TMEM74: variants seen among roughly 807,000 people sequenced by gnomAD.
TMEM74 encodes the protein transmembrane protein 74.
A neutral mutation model predicts 18.1 loss-of-function variants in TMEM74; 13 were observed. The ratio of observed to expected loss-of-function variants is 0.72; its 90% CI spans 0.47 to 1.14. The LOEUF (loss-of-function observed/expected upper bound fraction) is 1.14. Among genes scored for constraint, TMEM74 ranks in the 50% most tolerant of loss-of-function variants. The pLI, the probability that TMEM74 is intolerant of heterozygous loss-of-function variation, is 0.00. For synonymous variants in TMEM74, 159 were observed against 146.6 expected, an observed-to-expected ratio of 1.08 and a Z score of -0.61; for missense variants, 372 against 375.9, an observed-to-expected ratio of 0.99 and a Z score of 0.09.
chr8:108,621,331 A>G (rs1448538756), intron 2 of TMEM74, among the ~76,000 whole-genome samples: 1 of 152,086 alleles, frequency 6.6e-6, no homozygotes, highest in Non-Finnish European at 1.5e-5. Context: ...TTATTTATCA[A>G]TTCCTGTTTT....
chr8:108,614,485 G>A lies in TMEM74; in HGVS notation n.265-5659C>T, dbSNP rs115013349. 7.0e-3 allele frequency among the ~76,000 whole-genome samples: 1,060 copies of A among 152,272 alleles called. 19 individuals are homozygous for A. Among genetic ancestry groups the A allele is most frequent in the African/African-American group, 0.023 (961 of 41,536 alleles). On this transcript the variant is annotated intron_variant and non_coding_transcript_variant, in intron 2 of 3. Coordinates refer to the TMEM74 transcript ENST00000518838. ...AAGACAAGAAAGCAAGATGAAAGGAGGAATAGGTTTACAGATTCCAGAAAG... is the reference window on the plus strand; with the variant it reads ...AAGACAAGAAAGCAAGATGAAAGGAAGAATAGGTTTACAGATTCCAGAAAG...
chr8:108,784,615 C>T lies in TMEM74; in HGVS notation c.484G>A (p.Asp162Asn), dbSNP rs1481034894. 5 of 1,614,144 alleles carry T rather than the reference C, an allele frequency of 3.1e-6. No homozygotes were observed. The East Asian group carries it at 1.1e-4, about 36-fold the overall frequency. The change falls in exon 2 of 2, where the codon GAT becomes AAT. Residue 162 changes from aspartate to asparagine, a missense_variant. Physicochemically the swap from Asp to Asn is conservative, Grantham distance 23. Transcript: ENST00000297459. The part of the protein sequence containing the change: ...AISLISEEED[D>N]TSSEATSSGK... ...GAAGACGTGGCTTCTGAACTTGTATCATCCTCCTCTTCAGATATCAAAGAT... is the reference window on the plus strand; with the variant it reads ...GAAGACGTGGCTTCTGAACTTGTATTATCCTCCTCTTCAGATATCAAAGAT...
At chr8:108,627,215 C>G (rs962078648) in intron 2 of TMEM74, among the ~76,000 whole-genome samples, 3 of 152,052 alleles carry the variant, frequency 2.0e-5, no homozygotes, top group East Asian at 1.9e-4. Flanking sequence ...TCAGATTGAC[C>G]TCCCTCCTCC....
At chr8:108,685,273 TG>T (rs1159639422) in intron 1 of TMEM74, among the ~76,000 whole-genome samples, 4 of 152,156 alleles carry the variant, frequency 2.6e-5, no homozygotes, top group African/African-American at 9.6e-5. Context: ...TACTGATTTT[TG>T]TATGTTAATT....
At chr8:108,706,398 C>G (rs2130619459) in intron 1 of TMEM74, among the ~76,000 whole-genome samples, 1 of 152,250 alleles carries the variant, frequency 6.6e-6, no homozygotes, top group East Asian at 1.9e-4. Context: ...GGTCTTTGAA[C>G]TTATGATGTA....
intron 1 of TMEM74, among the ~76,000 whole-genome samples, chr8:108,681,766 A>G (rs1031623078): frequency 5.3e-5 from 8 of 152,116 alleles, no homozygotes; most frequent in African/African-American, 1.9e-4. Context: ...AACACTATAA[A>G]CATGCCAAAT....
chr8:108,681,460 C>T (rs1455580977), intron 1 of TMEM74, among the ~76,000 whole-genome samples: 1 of 152,134 alleles, frequency 6.6e-6, no homozygotes, highest in Non-Finnish European at 1.5e-5. Flanking sequence ...AACTGGCTAG[C>T]CATATGTGGA....
At chr8:108,627,966 G>A (rs1241408843) in intron 2 of TMEM74, among the ~76,000 whole-genome samples, 1 of 152,060 alleles carries the variant, frequency 6.6e-6, no homozygotes, top group Non-Finnish European at 1.5e-5. Context: ...GATGAGGCAG[G>A]AGGATCGCTT....
intron 1 of TMEM74, among the ~76,000 whole-genome samples, chr8:108,655,746 G>C (rs754749609): frequency 6.6e-6 from 1 of 151,924 alleles, no homozygotes; most frequent in Non-Finnish European, 1.5e-5. Flanking sequence ...TGCCACAGCT[G>C]GTTATTATAA....
At chr8:108,651,541 C>T (rs1812774387) in intron 2 of TMEM74, among the ~76,000 whole-genome samples, 1 of 151,796 alleles carries the variant, frequency 6.6e-6, no homozygotes. Flanking sequence ...GGCTGGAAGA[C>T]AAAATGAGAT....
intron 2 of TMEM74, among the ~76,000 whole-genome samples, chr8:108,611,838 C>T (rs947385382): frequency 1.3e-5 from 2 of 151,940 alleles, no homozygotes; most frequent in African/African-American, 2.4e-5. Flanking sequence ...TCTCACACTG[C>T]TATGAAGAAA....
intron 1 of TMEM74, among the ~76,000 whole-genome samples, chr8:108,729,158 C>G (rs188163431): frequency 6.6e-6 from 1 of 152,188 alleles, no homozygotes; most frequent in Non-Finnish European, 1.5e-5. Context: ...AGGGAAAAAA[C>G]TACTCTTGGG....
At chr8:108,736,390 T>C (rs1586278451) in intron 1 of TMEM74, among the ~76,000 whole-genome samples, 1 of 152,170 alleles carries the variant, frequency 6.6e-6, no homozygotes, top group Non-Finnish European at 1.5e-5. Flanking sequence ...ATTAATGTCA[T>C]AGGTTGTTCT....
chr8:108,716,381 C>T (rs568165980), intron 1 of TMEM74, among the ~76,000 whole-genome samples: 7 of 152,074 alleles, frequency 4.6e-5, no homozygotes, highest in African/African-American at 1.7e-4. Context: ...TCTTTCATCA[C>T]CTACAAAAGA....
intron 2 of TMEM74, among the ~76,000 whole-genome samples, chr8:108,615,002 C>A (rs1025516614): frequency 3.9e-5 from 6 of 152,038 alleles, no homozygotes; most frequent in African/African-American, 1.5e-4. Flanking sequence ...AATATGAGAC[C>A]AAAGCATACA....
At chr8:108,715,561 G>C (rs897359098) in intron 1 of TMEM74, among the ~76,000 whole-genome samples, 3 of 152,088 alleles carry the variant, frequency 2.0e-5, no homozygotes, top group Non-Finnish European at 2.9e-5. Context: ...CAAGTTGTCT[G>C]ACAAGTTGTG....
chr8:108,688,598 C>T lies in TMEM74; in HGVS notation n.120-33161G>A, dbSNP rs145912307. 2.9e-3 allele frequency among the ~76,000 whole-genome samples: 440 copies of T among 152,234 alleles called. 2 individuals carry two copies. Among genetic ancestry groups the T allele is most frequent in the Admixed American group, 5.3e-3 (81 of 15,286 alleles). ...TGTGAATGGTGGGTTTTGGAGCAAA[C>T]TACAGAGGATGTGCCTTGGCCAAAG... On this transcript the variant is annotated intron_variant and non_coding_transcript_variant, in intron 1 of 3. Transcript: ENST00000518838.
chr8:108,714,022 C>T (rs1310555860), intron 1 of TMEM74, among the ~76,000 whole-genome samples: 8 of 152,146 alleles, frequency 5.3e-5, no homozygotes. Context: ...TTCACCTTTT[C>T]TCTGTTTTTG....
intron 1 of TMEM74, among the ~76,000 whole-genome samples, chr8:108,733,198 A>G (rs1306480317): frequency 1.3e-5 from 2 of 152,212 alleles, no homozygotes; most frequent in Non-Finnish European, 2.9e-5. Context: ...GCTTTGTTCT[A>G]GAATGTGTAC....
Sources: gnomAD v4.1 joint callset for allele counts (sites outside exome capture counted in the v4.1 genomes callset) on GRCh38, gnomAD v4.1.1 for gene constraint, MANE v1.5 for transcripts, NCBI Gene and HGNC (gene_info 2026-07-23, HGNC 2026-07-21) for gene names.